JAM3: variants seen among roughly 807,000 people sequenced by gnomAD.
The protein encoded by JAM3 is junctional adhesion molecule C.
A neutral mutation model predicts 39.4 loss-of-function variants in JAM3; 31 were observed. The ratio of observed to expected loss-of-function variants is 0.79; its 90% CI spans 0.59 to 1.06. The LOEUF (loss-of-function observed/expected upper bound fraction) is 1.06, where lower values mean the gene tolerates loss of function less well. Ranked by LOEUF, JAM3 falls within the 50% of genes least tolerant of loss-of-function variation. The pLI is 0.00. For synonymous variants in JAM3, 182 were observed against 148.7 expected, an observed-to-expected ratio of 1.22 and a Z score of -1.63; for missense variants, 455 against 391.4, an observed-to-expected ratio of 1.16 and a Z score of -1.37.
chr11:134,130,738 A>G (rs139749957), intron 1 of JAM3, among the ~76,000 whole-genome samples: 3 of 152,336 alleles, frequency 2.0e-5, no homozygotes, highest in South Asian at 2.1e-4. Context: ...GGCAACAGCT[A>G]TTCCGCAGCT....
At chr11:134,070,260 C>T (rs1367194568) in intron 1 of JAM3, 1 of 455,586 alleles carries the variant, frequency 2.2e-6, no homozygotes, top group Admixed American at 2.4e-5. Flanking sequence ...CACACTCTTC[C>T]CCTGGCAGCC....
chr11:134,108,683 C>T (rs971627849), intron 1 of JAM3, among the ~76,000 whole-genome samples: 7 of 152,104 alleles, frequency 4.6e-5, no homozygotes, highest in African/African-American at 1.7e-4. Context: ...TATAATAACG[C>T]AATATCACCA....
At chr11:134,076,260 T>A (rs1941568682) in intron 1 of JAM3, among the ~76,000 whole-genome samples, 1 of 149,226 alleles carries the variant, frequency 6.7e-6, no homozygotes, top group Admixed American at 6.8e-5. Context: ...GGTCAAGCAA[T>A]TCTCCTGCCT....
chr11:134,134,757 A>T (rs1410037158), intron 1 of JAM3, among the ~76,000 whole-genome samples: 2 of 152,166 alleles, frequency 1.3e-5, no homozygotes, highest in African/African-American at 4.8e-5. Context: ...ATTTCCTTAA[A>T]GGCTAGTGAT....
At chr11:134,137,224 A>G (rs1942883340) in intron 1 of JAM3, among the ~76,000 whole-genome samples, 1 of 152,214 alleles carries the variant, frequency 6.6e-6, no homozygotes, top group African/African-American at 2.4e-5. Flanking sequence ...GTTGTAAGAA[A>G]CAAATTGGTT....
At chr11:134,097,215 C>A (rs1441543679) in intron 1 of JAM3, among the ~76,000 whole-genome samples, 3 of 152,222 alleles carry the variant, frequency 2.0e-5, no homozygotes, top group Non-Finnish European at 2.9e-5. Context: ...TTACCATCCT[C>A]TTCCCTCAAT....
intron 1 of JAM3, among the ~76,000 whole-genome samples, chr11:134,131,038 A>G (rs1056224334): frequency 7.9e-5 from 12 of 152,332 alleles, no homozygotes; most frequent in Non-Finnish European, 1.6e-4. Context: ...TCTCAAAAGC[A>G]GCCACATGTA....
chr11:134,102,573 A>G (rs1942096274), intron 1 of JAM3, among the ~76,000 whole-genome samples: 1 of 152,214 alleles, frequency 6.6e-6, no homozygotes, highest in African/African-American at 2.4e-5. Flanking sequence ...TCCGAGCTAA[A>G]GGAGGAAGTT....
chr11:134,071,862 A>G (rs1941488739), intron 1 of JAM3, among the ~76,000 whole-genome samples: 1 of 152,198 alleles, frequency 6.6e-6, no homozygotes. Flanking sequence ...CTGTCTTGAA[A>G]GCATGCAGTA....
At chr11:134,144,094 G>C in intron 3 of JAM3, 147 bp from the exon 4 acceptor site, 1 of 770,112 alleles carries the variant, frequency 1.3e-6, no homozygotes, top group Non-Finnish European at 2.2e-6. Flanking sequence ...CCTCAAGAGA[G>C]TTCACTTCTG....
At chr11:134,135,740 A>G (rs757868226) in intron 1 of JAM3, among the ~76,000 whole-genome samples, 2 of 151,966 alleles carry the variant, frequency 1.3e-5, no homozygotes, top group Non-Finnish European at 2.9e-5. Context: ...CCTAATATCT[A>G]GACAGGTATC....
At chr11:134,094,685 C>T (rs1252791799) in intron 1 of JAM3, among the ~76,000 whole-genome samples, 8 of 152,182 alleles carry the variant, frequency 5.3e-5, no homozygotes, top group Non-Finnish European at 1.0e-4. Flanking sequence ...ATCTCCTGAT[C>T]TCTCAGATTC....
At chr11:134,112,099 T>C (rs1423799706) in intron 1 of JAM3, among the ~76,000 whole-genome samples, 1 of 152,210 alleles carries the variant, frequency 6.6e-6, no homozygotes, top group East Asian at 1.9e-4. Flanking sequence ...AATTTATTTA[T>C]TTATTGAGAC....
intron 1 of JAM3, among the ~76,000 whole-genome samples, chr11:134,080,543 G>C (rs1385113550): frequency 6.6e-6 from 1 of 152,112 alleles, no homozygotes; most frequent in African/African-American, 2.4e-5. Context: ...GTTTAAAAAG[G>C]GGAGTTTTCC....
chr11:134,076,041 A>AGC (rs74486505), intron 1 of JAM3, among the ~76,000 whole-genome samples: 2 of 52,664 alleles, frequency 3.8e-5, no homozygotes, highest in African/African-American at 7.2e-4. Context: ...ATCAATACAC[A>AGC]GTTTTTCCAC....
intron 1 of JAM3, among the ~76,000 whole-genome samples, chr11:134,079,588 C>T (rs644652): frequency 1.2e-4 from 18 of 152,082 alleles, no homozygotes; most frequent in Admixed American, 3.9e-4. Context: ...CATTTCCTAG[C>T]TTTGCATGTG....
In JAM3 at chr11:134,148,666, G is replaced by A; in HGVS notation, c.832G>A (p.Asp278Asn). The A allele has an allele frequency of 6.2e-7, 1 of 1,614,148 alleles. No homozygotes were observed. Among genetic ancestry groups the A allele is most frequent in the Non-Finnish European group, 8.5e-7 (1 of 1,180,042 alleles). Residue 278 changes from aspartate (D) to asparagine (N), a missense_variant, in exon 7 of 9, where the codon GAT becomes AAT. Asp to Asn is a conservative substitution (Grantham distance 23). Coordinates refer to ENST00000299106, the MANE Select transcript of JAM3 (RefSeq NM_032801.5). ...RRGYFINNKQ[D>N]GESYKNPGKP... is the part of the protein sequence containing the mutation. Reference sequence around the variant, plus strand: ...TGGCTACTTCATCAACAATAAACAGGATGGAGAAAGGTGAGCCTGCCTTAT... The same window carrying A: ...TGGCTACTTCATCAACAATAAACAGAATGGAGAAAGGTGAGCCTGCCTTAT...
intron 1 of JAM3, among the ~76,000 whole-genome samples, chr11:134,072,432 G>A (rs745539549): frequency 6.6e-6 from 1 of 151,484 alleles, no homozygotes; most frequent in Admixed American, 6.6e-5. Flanking sequence ...TCAGCCTCCC[G>A]AGTAGCTGAG....
rs578159750 is a variant in JAM3, at chr11:134,076,897, C to T, written c.76+7738C>T. On this transcript the variant is annotated intron_variant, in intron 1 of 8. Transcript: ENST00000299106. ...GTTTCCAGGCTGGAGTGCAGTGGTG[C>T]GATCTCGGCTCACTGCAACCTCTGC... Among the ~76,000 whole-genome samples the T allele has an allele frequency of 4.3e-5, 6 of 140,180 alleles. No individual in the cohort carries two copies. In the South Asian group the frequency reaches 6.9e-4, roughly 16 times the overall value. 92.0% of individuals were successfully genotyped at this position (140,180 alleles called of 152,430 possible).
Sources: allele counts gnomAD v4.1 joint callset (sites outside exome capture counted in the v4.1 genomes callset), GRCh38; gene constraint gnomAD v4.1.1; transcripts MANE v1.5; gene names NCBI Gene and HGNC (gene_info 2026-07-23, HGNC 2026-07-21).